Variants in LARS2 observed in about 807,000 individuals in gnomAD.
LARS2 encodes the protein leucine--tRNA ligase, mitochondrial.
Under a neutral mutation model 116.6 loss-of-function variants are expected in LARS2, and 81 were observed. That is an observed-to-expected ratio of 0.69 (90% CI 0.58 to 0.84). The LOEUF (loss-of-function observed/expected upper bound fraction) is 0.84. Among genes scored for constraint, LARS2 ranks in the 40% least tolerant of loss-of-function variants. The probability of loss-of-function intolerance (pLI) is 0.00; values close to 1 mark genes in which losing one functional copy is unlikely to be tolerated. For missense variants in LARS2, 968 were observed against 1,114.5 expected, an observed-to-expected ratio of 0.87 and a Z score of 1.87; for synonymous variants, 396 against 407.2, an observed-to-expected ratio of 0.97 and a Z score of 0.33.
At chr3:45,436,726 G>A (rs1054966046) in intron 6 of LARS2, among the ~76,000 whole-genome samples, 6 of 151,236 alleles carry the variant, frequency 4.0e-5, no homozygotes, top group African/African-American at 9.7e-5. Context: ...CCCGGGAAGC[G>A]GAGCTTGCAG....
chr3:45,531,861 T>C, intron 20 of LARS2, among the ~76,000 whole-genome samples: 1 of 152,222 alleles, frequency 6.6e-6, no homozygotes, highest in East Asian at 1.9e-4. Flanking sequence ...CTCTTAGCAA[T>C]TTTCTACTAA....
intron 15 of LARS2, among the ~76,000 whole-genome samples, chr3:45,502,984 A>G (rs1219802185): frequency 6.6e-6 from 1 of 151,080 alleles, no homozygotes; most frequent in African/African-American, 2.4e-5. Context: ...TGCTGTTCTC[A>G]CTCATGATGC....
chr3:45,521,003 C>T (rs373203476), intron 19 of LARS2, among the ~76,000 whole-genome samples: 19 of 152,134 alleles, frequency 1.2e-4, no homozygotes, highest in African/African-American at 4.1e-4. Flanking sequence ...GCCTGGGCCG[C>T]GTAGAAAATA....
At position 45,394,648 on chromosome 3, in the gene LARS2, A is replaced by G; in HGVS notation, c.195A>G (p.Gln65=). ...AGGATGTTGAGAAATGGTGGCATCAACGAATAAAAGAACAGGCCTCCAAAA... is the reference window on the plus strand; with the variant it reads ...AGGATGTTGAGAAATGGTGGCATCAGCGAATAAAAGAACAGGCCTCCAAAA... The part of the protein sequence containing the change: ...TRKDVEKWWH[Q]RIKEQASKIS... Residue 65 remains glutamine (Q), a synonymous_variant, in exon 3 of 22, where the codon CAA becomes CAG. Transcript: ENST00000645846. The G allele has an allele frequency of 6.2e-7, 1 of 1,614,186 alleles. No homozygotes were observed.
At chr3:45,505,185 T>C (rs1337750021) in intron 15 of LARS2, among the ~76,000 whole-genome samples, 1 of 152,020 alleles carries the variant, frequency 6.6e-6, no homozygotes, top group Non-Finnish European at 1.5e-5. Context: ...CTCCAGTTCA[T>C]GCAGTTGTGC....
intron 3 of LARS2, among the ~76,000 whole-genome samples, chr3:45,395,921 G>T (rs1446931831): frequency 6.6e-6 from 1 of 152,222 alleles, no homozygotes; most frequent in Non-Finnish European, 1.5e-5. Context: ...CTTCTACCTT[G>T]TTAGGAAGTG....
At chr3:45,424,534 T>C (rs11130060) in intron 6 of LARS2, among the ~76,000 whole-genome samples, 39,353 of 152,164 alleles carry the variant, frequency 0.26, 6,451 homozygotes, top group East Asian at 0.7. Flanking sequence ...GTAGTAGTTC[T>C]ATATGATTTA....
At chr3:45,425,772 TG>T (rs1306858391) in intron 6 of LARS2, among the ~76,000 whole-genome samples, 1 of 152,252 alleles carries the variant, frequency 6.6e-6, no homozygotes, top group East Asian at 1.9e-4. Context: ...TGAAGTCTCT[TG>T]TCTGTCTTGC....
chr3:45,454,079 A>C (rs532911363), intron 7 of LARS2, among the ~76,000 whole-genome samples: 1 of 152,246 alleles, frequency 6.6e-6, no homozygotes, highest in East Asian at 1.9e-4. Context: ...TAATGATGAG[A>C]TGAGAGGCGT....
intron 6 of LARS2, among the ~76,000 whole-genome samples, chr3:45,424,398 A>T (rs561480926): frequency 6.6e-6 from 1 of 152,196 alleles, no homozygotes; most frequent in Admixed American, 6.5e-5. Context: ...TGAATATCTT[A>T]TGTAATTTAT....
intron 2 of LARS2, among the ~76,000 whole-genome samples, chr3:45,392,555 A>G (rs983857713): frequency 6.6e-6 from 1 of 152,092 alleles, no homozygotes; most frequent in Non-Finnish European, 1.5e-5. Flanking sequence ...TCAGCCTCCC[A>G]GAATGCTGGT....
intron 9 of LARS2, among the ~76,000 whole-genome samples, chr3:45,476,008 C>G (rs577935230): frequency 9.9e-5 from 15 of 152,066 alleles, no homozygotes; most frequent in Admixed American, 3.3e-4. Flanking sequence ...CATCCTTTCT[C>G]TCTTCAAAGC....
intron 11 of LARS2, among the ~76,000 whole-genome samples, chr3:45,488,209 G>A (rs970266995): frequency 6.6e-6 from 1 of 152,134 alleles, no homozygotes; most frequent in Admixed American, 6.5e-5. Flanking sequence ...TGAGGTGGGC[G>A]ATCACTTGAG....
chr3:45,475,049 A>G (rs1015274144), intron 9 of LARS2, among the ~76,000 whole-genome samples: 4 of 151,866 alleles, frequency 2.6e-5, no homozygotes, highest in Admixed American at 6.6e-5. Flanking sequence ...TTCTATTGAT[A>G]TTTTTTTTAC....
intron 6 of LARS2, among the ~76,000 whole-genome samples, chr3:45,420,461 T>A (rs1698496882): frequency 6.6e-6 from 1 of 152,226 alleles, no homozygotes; most frequent in Non-Finnish European, 1.5e-5. Context: ...GATTGGGGTT[T>A]TCATTGCTGG....
chr3:45,458,435 G>C (rs1185726938), intron 7 of LARS2, among the ~76,000 whole-genome samples: 1 of 152,198 alleles, frequency 6.6e-6, no homozygotes, highest in Non-Finnish European at 1.5e-5. Flanking sequence ...GCTCACGCCT[G>C]TAATCCCAGC....
chr3:45,469,166 G>GTA (rs1337193936), intron 8 of LARS2, among the ~76,000 whole-genome samples: 1 of 152,130 alleles, frequency 6.6e-6, no homozygotes, highest in Non-Finnish European at 1.5e-5. Flanking sequence ...TAGCACAGTG[G>GTA]TATTTGCAAA....
At chr3:45,514,109 G>T (rs553561646) in intron 16 of LARS2, among the ~76,000 whole-genome samples, 22 of 152,210 alleles carry the variant, frequency 1.4e-4, no homozygotes, top group Admixed American at 1.4e-3. Context: ...AGGAGGCTGA[G>T]GCAGGAGAAT....
chr3:45,424,567 A>G (rs956163041), intron 6 of LARS2, among the ~76,000 whole-genome samples: 12 of 151,758 alleles, frequency 7.9e-5, no homozygotes, highest in Middle Eastern at 3.4e-3. Flanking sequence ...GATTTGTGTA[A>G]CCACCACCAC....
Sources: gnomAD v4.1 joint callset for allele counts (sites outside exome capture counted in the v4.1 genomes callset) on GRCh38, gnomAD v4.1.1 for gene constraint, MANE v1.5 for transcripts, NCBI Gene and HGNC (gene_info 2026-07-23, HGNC 2026-07-21) for gene names.